The following OASL variants were observed in gnomAD, a reference collection of about 807,000 sequenced individuals.
OASL encodes the protein 2'-5'-oligoadenylate synthetase like, also known as 2'-5'-oligoadenylate synthase-like protein.
In OASL, 28 loss-of-function variants were observed where a neutral mutation model predicts 35.3. The observed-to-expected ratio is 0.79, with a 90% CI of 0.59 to 1.09. The LOEUF (loss-of-function observed/expected upper bound fraction) is 1.09. OASL is among the 50% of genes least tolerant of loss of function. OASL has a pLI of 0.00. For missense variants in OASL, 620 were observed against 635.2 expected, an observed-to-expected ratio of 0.98 and a Z score of 0.26; for synonymous variants, 252 against 254.6, an observed-to-expected ratio of 0.99 and a Z score of 0.10.
intron 1 of OASL, among the ~76,000 whole-genome samples, chr12:121,035,150 A>T (rs1869900870): frequency 6.6e-6 from 1 of 152,038 alleles, no homozygotes; most frequent in Admixed American, 6.6e-5. Flanking sequence ...GCCCTGTGTG[A>T]CATGAGCACG....
intron 3 of OASL, among the ~76,000 whole-genome samples, chr12:121,030,484 G>A (rs1179764056): frequency 2.0e-5 from 3 of 152,200 alleles, no homozygotes; most frequent in Admixed American, 6.5e-5. Context: ...GATTACAGGC[G>A]TGAGCCATCA....
intron 1 of OASL, among the ~76,000 whole-genome samples, chr12:121,035,576 G>A (rs1869923580): frequency 1.3e-5 from 2 of 151,692 alleles, no homozygotes; most frequent in South Asian, 2.1e-4. Context: ...ATTGAGGTGG[G>A]TACTAGGAGA....
At chr12:121,027,508 T>C (rs990457637) in intron 4 of OASL, 68 bp downstream of exon 4, 43 of 1,597,262 alleles carry the variant, frequency 2.7e-5, no homozygotes, top group Non-Finnish European at 3.5e-5. Flanking sequence ...TAAAACTCTA[T>C]GCCACGTTAC....
At chr12:121,029,246 A>G (rs903353799) in intron 3 of OASL, among the ~76,000 whole-genome samples, 1 of 152,064 alleles carries the variant, frequency 6.6e-6, no homozygotes, top group African/African-American at 2.4e-5. Context: ...AAAAAAAGCT[A>G]TAACACTTTG....
At chr12:121,028,352 A>G (rs377502945) in intron 3 of OASL, among the ~76,000 whole-genome samples, 1 of 152,192 alleles carries the variant, frequency 6.6e-6, no homozygotes, top group Non-Finnish European at 1.5e-5. Context: ...TCCTATCAGC[A>G]TAAACCTTTC....
chr12:121,025,491 G>A (rs765424096), intron 4 of OASL, among the ~76,000 whole-genome samples: 16 of 152,058 alleles, frequency 1.1e-4, no homozygotes, highest in Non-Finnish European at 1.8e-4. Context: ...TGAGTGGGGC[G>A]CAGTGGCTCA....
intron 2 of OASL, among the ~76,000 whole-genome samples, chr12:121,032,401 T>C (rs916380921): frequency 6.6e-6 from 1 of 152,102 alleles, no homozygotes. Flanking sequence ...GCTTGCAGCA[T>C]GTAGGTTTTA....
chr12:121,022,783 T>TCA (rs1869300910), intron 5 of OASL, among the ~76,000 whole-genome samples: 2 of 152,294 alleles, frequency 1.3e-5, no homozygotes, highest in South Asian at 4.1e-4. Flanking sequence ...CCTTTAGGGC[T>TCA]CATTTCAACT....
At chr12:121,027,952 T>C (rs1869560285) in intron 3 of OASL, 135 bp from the exon 4 acceptor site, 1 of 685,940 alleles carries the variant, frequency 1.5e-6, no homozygotes, top group African/African-American at 1.8e-5. Flanking sequence ...CTTGGCCATG[T>C]CACATTCCAT....
At chr12:121,034,612 G>A (rs560008953) in intron 1 of OASL, among the ~76,000 whole-genome samples, 35 of 152,210 alleles carry the variant, frequency 2.3e-4, no homozygotes, top group African/African-American at 8.2e-4. Flanking sequence ...TTTGCCTGGT[G>A]GATTTAAGAG....
intron 1 of OASL, among the ~76,000 whole-genome samples, chr12:121,035,128 A>G (rs1869899938): frequency 6.6e-6 from 1 of 152,002 alleles, no homozygotes; most frequent in Admixed American, 6.6e-5. Context: ...CTGTTGCCGG[A>G]TGATATAACA....
At chr12:121,018,914 T>G (rs1052209527), downstream of OASL, among the ~76,000 whole-genome samples, 1 of 151,172 alleles carries the variant, frequency 6.6e-6, no homozygotes, top group Non-Finnish European at 1.5e-5. Context: ...AGAGACACCT[T>G]TGCCTCTTCT....
chr12:121,024,152 A>G lies in OASL; in HGVS notation c.900-15T>C. The G allele has an allele frequency of 1.2e-6, 2 of 1,612,486 alleles. No individual in the cohort carries two copies. The highest frequency in any genetic ancestry group is 1.7e-6 in the Non-Finnish European group (2 of 1,179,028). On this transcript the variant is annotated splice_polypyrimidine_tract_variant and intron_variant, in intron 4 of 5. Coordinates refer to ENST00000257570, the Ensembl canonical transcript of OASL. ...GGATGATGGGCCTGTAACACAGGAA[A>G]AGGGTGCCCAGGCTCATAATGGTTT...
rs1406527599 is a variant in OASL at position 121,027,820 on chromosome 12, G to C, written c.658-3C>G. ...CTGGGGGACCTGGCTTTCACATACTGTTGAAAGAGATGGGAAGACAGAGAG... is the reference window on the plus strand; with the variant it reads ...CTGGGGGACCTGGCTTTCACATACTCTTGAAAGAGATGGGAAGACAGAGAG... On this transcript the variant is annotated splice_polypyrimidine_tract_variant and splice_region_variant and intron_variant, in intron 3 of 5. Transcript: ENST00000257570. 6.2e-7 allele frequency: 1 copy of C among 1,611,010 alleles called. No homozygotes were observed. Among genetic ancestry groups the C allele is most frequent in the African/African-American group, 1.3e-5 (1 of 74,872 alleles).
intron 4 of OASL, among the ~76,000 whole-genome samples, chr12:121,026,052 C>T (rs546239577): frequency 1.3e-5 from 2 of 152,286 alleles, no homozygotes; most frequent in Non-Finnish European, 2.9e-5. Context: ...GACCAGGAAT[C>T]AGACTGGTTC....
At chr12:121,021,123 C>G (rs996483633) in intron 5 of OASL, 65 bp from the exon 6 acceptor site, 2 of 1,462,228 alleles carry the variant, frequency 1.4e-6, no homozygotes, top group Non-Finnish European at 1.8e-6. Flanking sequence ...TGCAAATGTT[C>G]CCTTCATCTG....
rs1292198450 is a variant in OASL, at chr12:121,033,745, T to G, written c.199-2A>C. On this transcript the variant is annotated splice_acceptor_variant, in intron 1 of 5. Coordinates refer to ENST00000257570, the Ensembl canonical transcript of OASL. LOFTEE classifies it high-confidence loss of function. The stretch of plus-strand genomic sequence containing the variant: ...CGTGCCATTCCCGAAGGAGCCCACC[T>G]GCAGAACACAGAGCCCCGTCACCCT... The G allele has an allele frequency of 6.2e-7, 1 of 1,611,036 alleles. No individual in the cohort carries two copies. Among genetic ancestry groups the G allele is most frequent in the Non-Finnish European group, 8.5e-7 (1 of 1,178,936 alleles).
At chr12:121,038,990 G>A (rs779402321) in exon 1 of OASL, 9 of 1,608,634 alleles carry the variant, frequency 5.6e-6, no homozygotes, top group South Asian at 2.2e-5. Context: ...CGAGAGTACC[G>A]CTGCTGGGCA....
At chr12:121,032,362 G>C (rs1452168019) in intron 2 of OASL, among the ~76,000 whole-genome samples, 2 of 152,156 alleles carry the variant, frequency 1.3e-5, no homozygotes, top group African/African-American at 4.8e-5. Flanking sequence ...ATAGGAGTTA[G>C]CACATGAGAT....
Sources: allele counts gnomAD v4.1 joint callset (sites outside exome capture counted in the v4.1 genomes callset), GRCh38; gene constraint gnomAD v4.1.1; transcripts MANE v1.5; gene names NCBI Gene and HGNC (gene_info 2026-07-23, HGNC 2026-07-21).